MADCAM1: variants seen among roughly 807,000 people sequenced by gnomAD.
The protein encoded by MADCAM1 is mucosal vascular addressin cell adhesion molecule 1.
In MADCAM1, 19 loss-of-function variants were observed where a neutral mutation model predicts 26.1. The ratio of observed to expected loss-of-function variants is 0.73; its 90% CI spans 0.51 to 1.07. MADCAM1 has a LOEUF of 1.07. Among genes scored for constraint, MADCAM1 ranks in the 50% least tolerant of loss-of-function variants. MADCAM1 has a pLI of 0.00. For missense variants in MADCAM1, 514 were observed against 542.1 expected, an observed-to-expected ratio of 0.95 and a Z score of 0.51; for synonymous variants, 268 against 260.9, an observed-to-expected ratio of 1.03 and a Z score of -0.26.
At chr19:504,245 C>G (rs1978499789) in intron 4 of MADCAM1, among the ~76,000 whole-genome samples, 1 of 146,534 alleles carries the variant, frequency 6.8e-6, no homozygotes, top group African/African-American at 2.5e-5. Flanking sequence ...CGTCCTCTCT[C>G]CGGTCTGCCC....
intron 3 of MADCAM1, among the ~76,000 whole-genome samples, chr19:500,514 G>C (rs1275504424): frequency 6.6e-6 from 1 of 152,186 alleles, no homozygotes; most frequent in Non-Finnish European, 1.5e-5. Flanking sequence ...TGGATTACCT[G>C]AGGTCAGGAG....
chr19:498,663 C>CAGG lies in MADCAM1; in HGVS notation c.520_522dup (p.Glu174dup). On this transcript the variant is annotated inframe_insertion, in exon 3 of 5. Coordinates refer to ENST00000215637, the MANE Select transcript of MADCAM1 (RefSeq NM_130760.3). ...GGCGCAAGCCCTGGGCCCGGAGGTG[C>CAGG]AGGAGGAGGAGGAGGAGCCCCAGGG... The CAGG allele has an allele frequency of 4.8e-6, 7 of 1,456,362 alleles. No homozygotes were observed. The highest frequency in any genetic ancestry group is 1.5e-5 in the South Asian group (1 of 67,018). 90.2% of individuals were successfully genotyped at this position (1,456,362 alleles called of 1,614,324 possible). A position where few individuals can be genotyped will look rare whatever the true frequency, so the allele number is the denominator to read the frequency against.
chr19:498,025 G>T lies in MADCAM1; in HGVS notation c.245G>T (p.Arg82Leu), dbSNP rs943613676. Residue 82 changes from arginine to leucine, a missense_variant, in exon 2 of 5, where the codon CGC becomes CTC. Arg to Leu is a moderately radical substitution (Grantham distance 102, BLOSUM62 -2). Around this residue, in one of 3 missense-constraint regions of MADCAM1, gnomAD observed 317 missense variants for 313.6 expected, o/e 1.01. Coordinates refer to ENST00000215637, the MANE Select transcript of MADCAM1 (RefSeq NM_130760.3). ...ACGGGCCGCAGCGTCCTCACCGTGC[G>T]CAACGCCTCGCTGTCGGCGGCCGGG... ...SDTGRSVLTV[R>L]NASLSAAGTR... The T allele has an allele frequency of 2.0e-5, 30 of 1,498,556 alleles. No individual in the cohort carries two copies. Among genetic ancestry groups the T allele is most frequent in the East Asian group, 5.3e-5 (2 of 37,534 alleles). The allele number at this position is 1,498,556 out of a possible 1,614,324, so 92.8% of individuals were successfully genotyped here. A position where few individuals can be genotyped will look rare whatever the true frequency, so the allele number is the denominator to read the frequency against.
At position 498,632 on chromosome 19, in the gene MADCAM1, G is replaced by A. The variant is rs1271102891; in HGVS notation, c.474G>A (p.Leu158=). ...SFSLLVGGQE[L]EGAQALGPEV... Reference sequence around the variant, plus strand: ...CCCTGCTCGTCGGGGGCCAGGAACTGGAGGGGGCGCAAGCCCTGGGCCCGG... The same window carrying A: ...CCCTGCTCGTCGGGGGCCAGGAACTAGAGGGGGCGCAAGCCCTGGGCCCGG... Residue 158 remains leucine, a synonymous_variant, in exon 3 of 5, where the codon CTG becomes CTA. Transcript: ENST00000215637. 6.8e-7 allele frequency: 1 copy of A among 1,470,782 alleles called. No homozygotes were observed. The highest frequency in any genetic ancestry group is 9.0e-7 in the Non-Finnish European group (1 of 1,116,778). 91.1% of individuals were successfully genotyped at this position (1,470,782 alleles called of 1,614,324 possible).
chr19:501,341 C>T (rs1269688188), intron 3 of MADCAM1, among the ~76,000 whole-genome samples: 3 of 151,208 alleles, frequency 2.0e-5, no homozygotes, highest in Admixed American at 6.6e-5. Context: ...CAAAATTAGC[C>T]AGGTGTGGTG....
intron 3 of MADCAM1, chr19:499,203 C>T (rs1294932088): frequency 6.1e-6 from 3 of 492,168 alleles, no homozygotes; most frequent in Non-Finnish European, 8.0e-6. Context: ...GTTCCTCCAA[C>T]ACACCAGGCG....
intron 2 of MADCAM1, 35 bp downstream of exon 2, chr19:498,152 CT>C (rs1978295352): frequency 1.5e-6 from 2 of 1,302,656 alleles, no homozygotes; most frequent in South Asian, 4.5e-5. Context: ...CTCTCTGACC[CT>C]TGGACTCCCG....
At position 504,869 on chromosome 19, in the gene MADCAM1, C is replaced by T. The variant is rs147245939; in HGVS notation, c.1053C>T (p.Asp351=). The T allele has an allele frequency of 4.8e-5, 78 of 1,612,928 alleles. No homozygotes were observed. In the South Asian group the frequency reaches 5.1e-4, roughly 10 times the overall value. ...AACGCTGCCGGCACCTGGCTGAGGACGACACCCACCCACCAGCTTCTCTGA... is the reference window on the plus strand; with the variant it reads ...AACGCTGCCGGCACCTGGCTGAGGATGACACCCACCCACCAGCTTCTCTGA... ...LWKRCRHLAE[D]DTHPPASLRL... is the part of the protein sequence containing the mutation. The change falls in exon 5 of 5, where the codon GAC becomes GAT. Residue 351 remains aspartate, a synonymous_variant. Transcript: ENST00000215637.
Position 498,699 on chromosome 19 carries a change from G to C in MADCAM1, c.541G>C (p.Val181Leu). ...EEEEPQGDED[V>L]LFRVTERWRL... ...GGAGGAGCCCCAGGGGGACGAGGACGTGCTGTTCAGGGTGACAGAGCGCTG... is the reference window on the plus strand; with the variant it reads ...GGAGGAGCCCCAGGGGGACGAGGACCTGCTGTTCAGGGTGACAGAGCGCTG... Residue 181 changes from valine to leucine, a missense_variant, in exon 3 of 5, where the codon GTG (valine) becomes CTG (leucine). Coordinates refer to ENST00000215637, the MANE Select transcript of MADCAM1 (RefSeq NM_130760.3). The C allele has an allele frequency of 1.4e-6, 2 of 1,449,808 alleles. No individual in the cohort carries two copies. Among genetic ancestry groups the C allele is most frequent in the Non-Finnish European group, 1.8e-6 (2 of 1,105,280 alleles). 89.8% of individuals were successfully genotyped at this position (1,449,808 alleles called of 1,614,324 possible).
At chr19:501,393 G>T in intron 3 of MADCAM1, 1 of 322,756 alleles carries the variant, frequency 3.1e-6, no homozygotes, top group Non-Finnish European at 5.5e-6. Context: ...GCTGAGGCAG[G>T]GGAATCGCTT....
chr19:497,995 C>T lies in MADCAM1; in HGVS notation c.215C>T (p.Ser72Leu). The change falls in exon 2 of 5, where the codon TCG becomes TTG. Residue 72 changes from serine to leucine, a missense_variant. This residue lies in a region of MADCAM1 where 317 missense variants were observed against 313.6 expected (regional missense o/e 1.01). Transcript: ENST00000215637. ...GACACCAGCCTGGGCGCGGTGCAGTCGGACACGGGCCGCAGCGTCCTCACC... is the reference window on the plus strand; with the variant it reads ...GACACCAGCCTGGGCGCGGTGCAGTTGGACACGGGCCGCAGCGTCCTCACC... Reference protein sequence around the residue: ...GLDTSLGAVQSDTGRSVLTVR... With the variant: ...GLDTSLGAVQLDTGRSVLTVR... The T allele has an allele frequency of 6.7e-7, 1 of 1,502,924 alleles. No homozygotes were observed. The highest frequency in any genetic ancestry group is 8.8e-7 in the Non-Finnish European group (1 of 1,132,106). The allele number at this position is 1,502,924 out of a possible 1,614,324, so 93.1% of individuals were successfully genotyped here. A position where few individuals can be genotyped will look rare whatever the true frequency, so the allele number is the denominator to read the frequency against.
chr19:499,923 G>A (rs1978311130), intron 3 of MADCAM1: 1 of 451,454 alleles, frequency 2.2e-6, no homozygotes, highest in Admixed American at 2.4e-5. Context: ...TGGACGTGAG[G>A]TCGTGAGTTT....
At chr19:504,161 A>G (rs940363994) in intron 4 of MADCAM1, among the ~76,000 whole-genome samples, 2 of 151,966 alleles carry the variant, frequency 1.3e-5, no homozygotes, top group Admixed American at 1.3e-4. Flanking sequence ...GAGATATATT[A>G]CATTCCTCCC....
intron 4 of MADCAM1, 83 bp downstream of exon 4, chr19:502,012 TTGCCC>T: frequency 7.5e-7 from 1 of 1,337,940 alleles, no homozygotes; most frequent in Non-Finnish European, 9.7e-7. Flanking sequence ...AGACAAGAAA[TTGCCC>T]TGCCCAGCCT....
intron 3 of MADCAM1, 29 bp downstream of exon 3, chr19:498,854 A>G: frequency 8.6e-7 from 1 of 1,168,924 alleles, no homozygotes; most frequent in Non-Finnish European, 1.1e-6. Context: ...CTGGAGACCC[A>G]CCCGCTCGCC....
At position 497,889 on chromosome 19, in the gene MADCAM1, G is replaced by T; in HGVS notation, c.109G>T (p.Val37Leu). The T allele has an allele frequency of 3.7e-6, 5 of 1,358,466 alleles. No homozygotes were observed. The South Asian group carries it at 9.0e-5, about 24-fold the overall frequency. The allele number at this position is 1,358,466 out of a possible 1,614,324, so 84.2% of individuals were successfully genotyped here. Residue 37 changes from valine to leucine, a missense_variant, in exon 2 of 5, where the codon GTG becomes TTG. Val to Leu is a conservative substitution (Grantham distance 32). Around this residue, in one of 3 missense-constraint regions of MADCAM1, gnomAD observed 317 missense variants for 313.6 expected, o/e 1.01. Transcript: ENST00000215637. ...QVEPPEPVVA[V>L]ALGASRQLTC... ...GGAGCCCCCGGAGCCGGTGGTGGCCGTGGCCTTGGGCGCCTCGCGCCAGCT... is the reference window on the plus strand; with the variant it reads ...GGAGCCCCCGGAGCCGGTGGTGGCCTTGGCCTTGGGCGCCTCGCGCCAGCT...
At chr19:502,837 A>C (rs191256749) in intron 4 of MADCAM1, among the ~76,000 whole-genome samples, 2 of 152,276 alleles carry the variant, frequency 1.3e-5, no homozygotes, top group East Asian at 3.9e-4. Context: ...AGGATATCAC[A>C]CTCTTAAACT....
chr19:498,484 C>T lies in MADCAM1; in HGVS notation c.338-12C>T. 1 of 1,457,406 alleles carries T rather than the reference C, an allele frequency of 6.9e-7. No individual in the cohort carries two copies. Among genetic ancestry groups the T allele is most frequent in the Non-Finnish European group, 9.0e-7 (1 of 1,109,746 alleles). The allele number at this position is 1,457,406 out of a possible 1,614,324, so 90.3% of individuals were successfully genotyped here. A position where few individuals can be genotyped will look rare whatever the true frequency, so the allele number is the denominator to read the frequency against. ...TCTGGGCTCAGCCCTCACCCCCGAC[C>T]CTCCATCACAGCCTTCCCGGACCAG... On this transcript the variant is annotated splice_polypyrimidine_tract_variant and intron_variant, in intron 2 of 4. Transcript: ENST00000215637.
At chr19:497,752 G>A (rs1463412820) in intron 1 of MADCAM1, 81 bp from the exon 2 acceptor site, 1 of 1,128,060 alleles carries the variant, frequency 8.9e-7, no homozygotes, top group Non-Finnish European at 1.1e-6. Flanking sequence ...GCGGGGTCCG[G>A]GGGTGGAGCG....
Sources: allele counts gnomAD v4.1 joint callset (sites outside exome capture counted in the v4.1 genomes callset), GRCh38; gene constraint gnomAD v4.1.1; regional missense constraint gnomAD v4.1.1; transcripts MANE v1.5; gene names NCBI Gene and HGNC (gene_info 2026-07-23, HGNC 2026-07-21).